FARP1: variants seen among roughly 807,000 people sequenced by gnomAD.
The protein encoded by FARP1 is FERM, ARHGEF and pleckstrin domain-containing protein 1.
Under a neutral mutation model 128.8 loss-of-function variants are expected in FARP1, and 52 were observed. That is an observed-to-expected ratio of 0.40 (90% CI 0.32 to 0.51). FARP1 has a LOEUF of 0.51. FARP1 is among the 20% of genes least tolerant of loss of function. FARP1 has a pLI of 0.45. For missense variants in FARP1, 1,333 were observed against 1,367.9 expected, an observed-to-expected ratio of 0.97 and a Z score of 0.40; for synonymous variants, 580 against 551.8, an observed-to-expected ratio of 1.05 and a Z score of -0.72.
chr13:98,308,837 T>G (rs890354970), intron 2 of FARP1, among the ~76,000 whole-genome samples: 1 of 151,840 alleles, frequency 6.6e-6, no homozygotes, highest in Non-Finnish European at 1.5e-5. Context: ...GCCTGGCTGA[T>G]TTTTTGTATT....
intron 24 of FARP1, among the ~76,000 whole-genome samples, chr13:98,444,574 T>C (rs1373259190): frequency 3.9e-5 from 6 of 152,008 alleles, no homozygotes. Context: ...GAGGCCAGGA[T>C]GGACCCGACA....
chr13:98,351,373 G>T (rs376285827), intron 3 of FARP1, among the ~76,000 whole-genome samples: 1 of 152,172 alleles, frequency 6.6e-6, no homozygotes, highest in Middle Eastern at 3.2e-3. Context: ...AGCACTTTGC[G>T]AGGCCGAGGC....
chr13:98,261,459 C>T (rs138445947), intron 2 of FARP1, among the ~76,000 whole-genome samples: 170 of 152,234 alleles, frequency 1.1e-3, no homozygotes, highest in African/African-American at 3.8e-3. Flanking sequence ...CTTCGTTGAC[C>T]AGATCACATT....
At chr13:98,170,913 G>C (rs979690487) in intron 1 of FARP1, among the ~76,000 whole-genome samples, 1 of 152,154 alleles carries the variant, frequency 6.6e-6, no homozygotes, top group Non-Finnish European at 1.5e-5. Context: ...AATCAGGTTG[G>C]AATTTTTGTG....
At chr13:98,415,056 T>A (rs1324731484) in intron 16 of FARP1, among the ~76,000 whole-genome samples, 1 of 152,120 alleles carries the variant, frequency 6.6e-6, no homozygotes. Flanking sequence ...CCTTGTGAGG[T>A]CAGGAGCTCC....
At chr13:98,291,982 C>T (rs1415159421) in intron 2 of FARP1, among the ~76,000 whole-genome samples, 6 of 152,206 alleles carry the variant, frequency 3.9e-5, no homozygotes, top group Non-Finnish European at 8.8e-5. Context: ...TCACAAGAAC[C>T]TCTTTGGAGA....
chr13:98,423,377 G>T (rs947659949), intron 16 of FARP1, among the ~76,000 whole-genome samples: 16 of 152,292 alleles, frequency 1.1e-4, no homozygotes, highest in Admixed American at 7.8e-4. Flanking sequence ...CCACTTTGAA[G>T]ATCTCTCACT....
chr13:98,142,975 G>A (rs374109385), upstream of FARP1: 622 of 149,768 alleles, frequency 4.2e-3, 2 homozygotes, highest in Non-Finnish European at 6.4e-3. Context: ...GGCGCAGGGC[G>A]CGGGCCCGGA....
intron 2 of FARP1, among the ~76,000 whole-genome samples, chr13:98,295,117 G>A (rs1233495835): frequency 7.8e-6 from 1 of 127,978 alleles, no homozygotes; most frequent in Non-Finnish European, 1.6e-5. Context: ...ATATCCCCAG[G>A]CATTATTTAT....
chr13:98,245,252 ATTG>A (rs1306478630), intron 2 of FARP1: 1 of 984,284 alleles, frequency 1.0e-6, no homozygotes, highest in African/African-American at 1.7e-5. Flanking sequence ...CAAAGAATGG[ATTG>A]TTAATTGTAA....
chr13:98,415,449 G>GTGAA lies in FARP1; in HGVS notation c.1826+3431_1826+3434dup, dbSNP rs922974340. 3.1e-4 allele frequency among the ~76,000 whole-genome samples: 35 copies of GTGAA among 112,148 alleles called. No homozygotes were observed. The East Asian group carries it at 0.012, about 39-fold the overall frequency. 73.6% of individuals were successfully genotyped at this position (112,148 alleles called of 152,430 possible). Reference sequence around the variant, plus strand: ...AAGGAATATATTAATGAATGAATGAGTGAATGAATGAATGAATGAGTAGGT... The same window carrying GTGAA: ...AAGGAATATATTAATGAATGAATGAGTGAATGAATGAATGAATGAATGAGTAGGT... On this transcript the variant is annotated intron_variant, in intron 16 of 26. Transcript: ENST00000319562.
chr13:98,157,915 C>T (rs187407421), intron 1 of FARP1, among the ~76,000 whole-genome samples: 1 of 152,154 alleles, frequency 6.6e-6, no homozygotes, highest in African/African-American at 2.4e-5. Context: ...ATGTAGCCTC[C>T]CTTGGCCTTC....
chr13:98,358,143 T>G (rs1460336721), intron 3 of FARP1, among the ~76,000 whole-genome samples: 13 of 151,548 alleles, frequency 8.6e-5, no homozygotes, highest in Admixed American at 3.3e-4. Flanking sequence ...CTCTCCTAAG[T>G]TTTTTTTGGG....
chr13:98,246,808 G>A (rs1456299652), intron 2 of FARP1, among the ~76,000 whole-genome samples: 1 of 152,166 alleles, frequency 6.6e-6, no homozygotes, highest in East Asian at 1.9e-4. Context: ...GCCCTGAAAT[G>A]GAACATTGTT....
At chr13:98,435,855 G>T (rs1483760938) in intron 19 of FARP1, 149 bp downstream of exon 19, 1 of 817,412 alleles carries the variant, frequency 1.2e-6, no homozygotes, top group South Asian at 1.4e-5. Context: ...AAACACAACA[G>T]TGTCGTTAGT....
intron 3 of FARP1, among the ~76,000 whole-genome samples, chr13:98,352,844 C>G (rs1467945654): frequency 3.3e-5 from 5 of 151,996 alleles, no homozygotes; most frequent in Non-Finnish European, 7.4e-5. Context: ...CCCTACAAGT[C>G]AACAGTGAGG....
intron 2 of FARP1, among the ~76,000 whole-genome samples, chr13:98,336,235 G>T (rs193146045): frequency 5.3e-5 from 8 of 152,234 alleles, no homozygotes; most frequent in African/African-American, 1.9e-4. Flanking sequence ...TGTTGTTTCT[G>T]TTGTTGTTTT....
Position 98,270,985 on chromosome 13 carries a change from C to T in FARP1, c.171+57572C>T, listed in dbSNP as rs186400122. Among the ~76,000 whole-genome samples the T allele has an allele frequency of 4.6e-5, 7 of 152,264 alleles. No homozygotes were observed. In the East Asian group the frequency reaches 1.2e-3, roughly 25 times the overall value. ...CATTGCTGTCCTCTGAATCAGAAAT[C>T]ATGATGTAAGACGAGGCGAATTGCA... On this transcript the variant is annotated intron_variant, in intron 2 of 26. Coordinates refer to ENST00000319562, the MANE Select transcript of FARP1 (RefSeq NM_005766.4).
chr13:98,441,422 T>G (rs895727574), intron 24 of FARP1, among the ~76,000 whole-genome samples: 2 of 152,244 alleles, frequency 1.3e-5, no homozygotes, highest in Admixed American at 1.3e-4. Context: ...GAAAACCGTC[T>G]GTTTTTATGC....
Sources: gnomAD v4.1 joint callset for allele counts (sites outside exome capture counted in the v4.1 genomes callset) on GRCh38, gnomAD v4.1.1 for gene constraint, MANE v1.5 for transcripts, NCBI Gene and HGNC (gene_info 2026-07-23, HGNC 2026-07-21) for gene names.